AMPH: variants seen among roughly 807,000 people sequenced by gnomAD.
AMPH encodes amphiphysin (Stiff-Mann syndrome with breast cancer 128kD autoantigen).
In AMPH, 49 loss-of-function variants were observed where a neutral mutation model predicts 99.1. That is an observed-to-expected ratio of 0.49 (90% CI 0.39 to 0.63). AMPH has a LOEUF of 0.63. AMPH is among the 20% of genes least tolerant of loss of function. The pLI is 0.00. For synonymous variants in AMPH, 314 were observed against 317.3 expected, an observed-to-expected ratio of 0.99 and a Z score of 0.11; for missense variants, 759 against 863.4, an observed-to-expected ratio of 0.88 and a Z score of 1.52.
intron 11 of AMPH, among the ~76,000 whole-genome samples, chr7:38,455,707 A>G (rs1787205576): frequency 2.0e-5 from 3 of 152,174 alleles, no homozygotes; most frequent in African/African-American, 7.2e-5. Flanking sequence ...CAAGATTTAC[A>G]TGGGTAGCTG....
intron 11 of AMPH, among the ~76,000 whole-genome samples, chr7:38,450,281 G>T (rs1368268895): frequency 6.6e-6 from 1 of 152,162 alleles, no homozygotes; most frequent in Non-Finnish European, 1.5e-5. Context: ...ATAGTTGGGG[G>T]TATCTGCTAT....
intron 11 of AMPH, among the ~76,000 whole-genome samples, chr7:38,448,854 C>T (rs1387289139): frequency 6.6e-6 from 1 of 152,160 alleles, no homozygotes; most frequent in African/African-American, 2.4e-5. Context: ...ACTAGACCTT[C>T]TAGGAAATTG....
intron 2 of AMPH, among the ~76,000 whole-genome samples, chr7:38,520,239 C>A (rs1789905250): frequency 6.6e-6 from 1 of 152,150 alleles, no homozygotes; most frequent in Admixed American, 6.6e-5. Flanking sequence ...GGAAACAAAC[C>A]ATCTACATTC....
rs1562835098 is a variant in AMPH, at chr7:38,571,258, A to AT, written c.70-36248_70-36247insA. 1.6e-4 allele frequency among the ~76,000 whole-genome samples: 10 copies of AT among 62,104 alleles called. No individual in the cohort carries two copies. The East Asian group carries it at 4.4e-3, about 27-fold the overall frequency. 40.7% of individuals were successfully genotyped at this position (62,104 alleles called of 152,430 possible). A position where few individuals can be genotyped will look rare whatever the true frequency, so the allele number is the denominator to read the frequency against. On this transcript the variant is annotated intron_variant, in intron 1 of 20. Transcript: ENST00000356264. The stretch of plus-strand genomic sequence containing the variant: ...TATATATAATTATAAATATATATTA[A>AT]ATATATATTTATATATATATTTTTA...
At chr7:38,388,190 CATG>C (rs1219669477) in intron 20 of AMPH, among the ~76,000 whole-genome samples, 7 of 152,070 alleles carry the variant, frequency 4.6e-5, no homozygotes, top group Admixed American at 1.3e-4. Flanking sequence ...AAATGGTAAA[CATG>C]GTGGTAAACA....
At chr7:38,529,355 C>G (rs1270043118) in intron 2 of AMPH, among the ~76,000 whole-genome samples, 1 of 152,266 alleles carries the variant, frequency 6.6e-6, no homozygotes, top group East Asian at 1.9e-4. Context: ...AGATACAATG[C>G]ATTAGTCCTC....
chr7:38,510,967 G>T (rs1479944452), intron 2 of AMPH, among the ~76,000 whole-genome samples: 1 of 152,066 alleles, frequency 6.6e-6, no homozygotes, highest in Non-Finnish European at 1.5e-5. Context: ...CAGGCTCTGA[G>T]ATCACACTTC....
rs3807400 is a variant in AMPH, at chr7:38,522,304, T to C, written c.150+12627A>G. ...GCTTATCCTTTAGTACACTTATATG[T>C]GTAATAATGTTTGTATGTTTAGTAT... is the stretch of plus-strand genomic sequence containing the variant. On this transcript the variant is annotated intron_variant, in intron 2 of 20. Coordinates refer to ENST00000356264, the MANE Select transcript of AMPH (RefSeq NM_001635.4). Among the ~76,000 whole-genome samples, 9 of 152,312 alleles carry C rather than the reference T, an allele frequency of 5.9e-5. No individual in the cohort carries two copies. The East Asian group carries it at 1.5e-3, about 26-fold the overall frequency.
At chr7:38,390,983 GAGAGAGA>G (rs1784473124) in intron 19 of AMPH, among the ~76,000 whole-genome samples, 1 of 58,364 alleles carries the variant, frequency 1.7e-5, no homozygotes, top group South Asian at 4.4e-4. Flanking sequence ...GAGAGAGAGA[GAGAGAGA>G]GAGAGAGAGA....
chr7:38,429,765 C>T, intron 14 of AMPH, 77 bp downstream of exon 14: 7 of 1,452,926 alleles, frequency 4.8e-6, no homozygotes, highest in Non-Finnish European at 5.7e-6. Flanking sequence ...GGAAACAGTT[C>T]ATTCTAGAAA....
intron 5 of AMPH, among the ~76,000 whole-genome samples, chr7:38,480,058 G>GAA (rs57895829): frequency 7.5e-5 from 11 of 146,690 alleles, no homozygotes; most frequent in South Asian, 2.1e-4. Context: ...GTAGGAAAAA[G>GAA]AAAAAAAAAA....
chr7:38,447,615 A>G (rs919238035), intron 11 of AMPH, among the ~76,000 whole-genome samples: 1 of 152,132 alleles, frequency 6.6e-6, no homozygotes, highest in African/African-American at 2.4e-5. Context: ...CACACACACA[A>G]CACATTTTCT....
intron 1 of AMPH, among the ~76,000 whole-genome samples, chr7:38,586,958 ATCACACACTTTGG>A (rs1792674326): frequency 6.6e-6 from 1 of 152,074 alleles, no homozygotes; most frequent in Non-Finnish European, 1.5e-5. Context: ...TATTTCTCCT[ATCACACACTTTGG>A]TCCCAAGTAT....
intron 1 of AMPH, among the ~76,000 whole-genome samples, chr7:38,556,179 A>T (rs1791354911): frequency 6.6e-6 from 1 of 152,190 alleles, no homozygotes; most frequent in South Asian, 2.1e-4. Flanking sequence ...ATTTGAAAAG[A>T]AAAAGAAAGC....
chr7:38,609,721 T>C (rs925839768), intron 1 of AMPH, among the ~76,000 whole-genome samples: 7 of 146,578 alleles, frequency 4.8e-5, no homozygotes, highest in African/African-American at 1.8e-4. Context: ...TATATACATT[T>C]AAATAGTGGT....
At chr7:38,555,361 T>C (rs1157835106) in intron 1 of AMPH, among the ~76,000 whole-genome samples, 1 of 152,090 alleles carries the variant, frequency 6.6e-6, no homozygotes, top group Non-Finnish European at 1.5e-5. Context: ...GCTATGATCA[T>C]GCCACTATAC....
intron 1 of AMPH, among the ~76,000 whole-genome samples, chr7:38,605,011 G>C (rs1276920112): frequency 1.3e-5 from 2 of 152,196 alleles, no homozygotes; most frequent in African/African-American, 4.8e-5. Flanking sequence ...ATTAATGAAG[G>C]ATATTTATCA....
intron 13 of AMPH, 123 bp downstream of exon 13, chr7:38,432,066 G>T (rs184367515): frequency 4.3e-4 from 379 of 877,072 alleles, no homozygotes; most frequent in Non-Finnish European, 6.7e-4. Context: ...GATCATTCTA[G>T]GGGACTATAT....
At chr7:38,533,328 C>T (rs923737423) in intron 2 of AMPH, among the ~76,000 whole-genome samples, 1 of 152,130 alleles carries the variant, frequency 6.6e-6, no homozygotes, top group African/African-American at 2.4e-5. Context: ...TTTTTCTCTC[C>T]GTTACTGTTT....
Sources: gnomAD v4.1 joint callset for allele counts (sites outside exome capture counted in the v4.1 genomes callset) on GRCh38, gnomAD v4.1.1 for gene constraint, MANE v1.5 for transcripts, NCBI Gene and HGNC (gene_info 2026-07-23, HGNC 2026-07-21) for gene names.